CDH13: variants seen among roughly 807,000 people sequenced by gnomAD.
CDH13 encodes the protein cadherin-13.
In CDH13, 24 loss-of-function variants were observed where a neutral mutation model predicts 63.8. The ratio of observed to expected loss-of-function variants is 0.38; its 90% confidence interval spans 0.27 to 0.53. CDH13 has a LOEUF of 0.53. Among genes scored for constraint, CDH13 ranks in the 20% least tolerant of loss-of-function variants. The pLI, the probability that CDH13 is intolerant of heterozygous loss-of-function variation, is 0.85. For synonymous variants in CDH13, 503 were observed against 355.3 expected, an observed-to-expected ratio of 1.42 and a Z score of -4.67; for missense variants, 1,049 against 903.1, an observed-to-expected ratio of 1.16 and a Z score of -2.07.
rs541527576 is a variant in CDH13, at chr16:83,368,062, T to A, written c.781+23056T>A. On this transcript the variant is annotated intron_variant, in intron 6 of 13. Coordinates refer to ENST00000567109, the MANE Select transcript of CDH13 (RefSeq NM_001257.5). ...TAAATTGAATTATTTTCTTAATTTC[T>A]TATGTGGATTATTCATTGTTATTAT... Among the ~76,000 whole-genome samples, 1,398 of 152,362 alleles carry A rather than the reference T, an allele frequency of 9.2e-3. 17 individuals carry two copies. The highest frequency in any genetic ancestry group is 0.031 in the African/African-American group (1,291 of 41,588).
At chr16:82,880,667 G>C (rs1055063544) in intron 2 of CDH13, among the ~76,000 whole-genome samples, 2 of 152,142 alleles carry the variant, frequency 1.3e-5, no homozygotes, top group Non-Finnish European at 2.9e-5. Context: ...TATGCTTACT[G>C]TAGTGAAAAA....
Position 83,610,852 on chromosome 16 carries a change from C to T in CDH13, c.1101+8258C>T, listed in dbSNP as rs1567803714. ...TGGGGTATATCTACAGGTGAAATTG[C>T]TAATTCAACTTCGGTTGATTCCACC... On this transcript the variant is annotated intron_variant, in intron 8 of 13. Transcript: ENST00000567109. Among the ~76,000 whole-genome samples the T allele has an allele frequency of 3.9e-5, 6 of 152,312 alleles. No individual in the cohort carries two copies. In the East Asian group the frequency reaches 1.2e-3, roughly 29 times the overall value.
intron 6 of CDH13, among the ~76,000 whole-genome samples, chr16:83,398,412 T>G (rs2091918742): frequency 6.6e-6 from 1 of 152,186 alleles, no homozygotes. Flanking sequence ...CTCTTCTCTT[T>G]CTCAAATGTC....
At chr16:83,405,597 G>T (rs1182143432) in intron 6 of CDH13, among the ~76,000 whole-genome samples, 1 of 152,214 alleles carries the variant, frequency 6.6e-6, no homozygotes, top group African/African-American at 2.4e-5. Context: ...CTCCAGAACT[G>T]TCAGAGAATA....
At chr16:82,736,713 G>T (rs1298077720) in intron 1 of CDH13, among the ~76,000 whole-genome samples, 2 of 152,036 alleles carry the variant, frequency 1.3e-5, no homozygotes, top group Non-Finnish European at 1.5e-5. Context: ...GAAAAATCAG[G>T]CTACACAGTC....
intron 2 of CDH13, among the ~76,000 whole-genome samples, chr16:82,944,235 A>G (rs943604748): frequency 1.3e-5 from 2 of 152,158 alleles, no homozygotes; most frequent in African/African-American, 2.4e-5. Context: ...AGTTCCATTC[A>G]TGGGATTTGG....
At chr16:83,647,610 A>T (rs1911957608) in intron 8 of CDH13, among the ~76,000 whole-genome samples, 1 of 152,196 alleles carries the variant, frequency 6.6e-6, no homozygotes, top group South Asian at 2.1e-4. Flanking sequence ...CTCTGTTTCC[A>T]TTCAGAAATA....
intron 1 of CDH13, among the ~76,000 whole-genome samples, chr16:82,783,423 G>C (rs2035858306): frequency 6.6e-6 from 1 of 152,230 alleles, no homozygotes; most frequent in African/African-American, 2.4e-5. Flanking sequence ...AGCTTGCAGA[G>C]CTGCGTGAGC....
intron 2 of CDH13, among the ~76,000 whole-genome samples, chr16:83,022,246 C>T (rs1915410985): frequency 6.6e-6 from 1 of 152,196 alleles, no homozygotes. Flanking sequence ...AAAGGCTTTG[C>T]AGATTAACCA....
Position 83,099,332 on chromosome 16 carries a change from A to G in CDH13, c.367-26053A>G, listed in dbSNP as rs141708685. Among the ~76,000 whole-genome samples, 1,352 of 151,776 alleles carry G rather than the reference A, an allele frequency of 8.9e-3. 7 individuals are homozygous for G. Among genetic ancestry groups the G allele is most frequent in the Non-Finnish European group, 0.014 (947 of 67,894 alleles). On this transcript the variant is annotated intron_variant, in intron 3 of 13. Coordinates refer to ENST00000567109, the MANE Select transcript of CDH13 (RefSeq NM_001257.5). ...TAGTATGATAATCTTCATTTTACAC[A>G]TTTTTTTTAAGATGGAGTTTCACTC...
At chr16:83,309,330 G>T (rs2089949328) in intron 5 of CDH13, among the ~76,000 whole-genome samples, 1 of 152,046 alleles carries the variant, frequency 6.6e-6, no homozygotes, top group Admixed American at 6.5e-5. Context: ...GTCTTCAGCA[G>T]ATGTCCTTTG....
intron 6 of CDH13, among the ~76,000 whole-genome samples, chr16:83,445,784 G>T (rs948819808): frequency 1.3e-5 from 2 of 152,146 alleles, no homozygotes; most frequent in Admixed American, 6.5e-5. Flanking sequence ...TAAGGTAGGG[G>T]GAGAAGTGTT....
intron 2 of CDH13, among the ~76,000 whole-genome samples, chr16:82,999,349 T>A (rs538379434): frequency 6.6e-5 from 10 of 152,344 alleles, no homozygotes; most frequent in African/African-American, 2.4e-4. Context: ...CGAAATGTTG[T>A]ATGACAAACT....
At chr16:83,135,633 A>G (rs1052176642) in intron 4 of CDH13, among the ~76,000 whole-genome samples, 2 of 152,230 alleles carry the variant, frequency 1.3e-5, no homozygotes, top group African/African-American at 2.4e-5. Flanking sequence ...TGAAAGAACT[A>G]AAACTAGAAC....
At chr16:83,459,101 T>G (rs532329107) in intron 6 of CDH13, among the ~76,000 whole-genome samples, 1 of 152,360 alleles carries the variant, frequency 6.6e-6, no homozygotes, top group South Asian at 2.1e-4. Flanking sequence ...ACTTTTTGTT[T>G]GTTTGGTTTT....
chr16:83,353,247 C>G (rs570453283), intron 6 of CDH13, among the ~76,000 whole-genome samples: 2 of 152,250 alleles, frequency 1.3e-5, no homozygotes, highest in African/African-American at 2.4e-5. Context: ...TGAATCTTTG[C>G]CAAGTTGCTC....
At chr16:83,747,816 C>G (rs978092767) in intron 10 of CDH13, among the ~76,000 whole-genome samples, 4 of 150,386 alleles carry the variant, frequency 2.7e-5, no homozygotes, top group African/African-American at 9.8e-5. Context: ...AGGATTTGGG[C>G]TGTGAATTCT....
At chr16:83,643,915 T>A (rs1296920012) in intron 8 of CDH13, among the ~76,000 whole-genome samples, 1 of 152,228 alleles carries the variant, frequency 6.6e-6, no homozygotes, top group Non-Finnish European at 1.5e-5. Context: ...GCTCTTCCTC[T>A]AAGTGGGATC....
intron 1 of CDH13, among the ~76,000 whole-genome samples, chr16:82,643,667 A>G (rs1909702535): frequency 6.6e-6 from 1 of 152,228 alleles, no homozygotes; most frequent in Non-Finnish European, 1.5e-5. Context: ...ACTGGTTATT[A>G]TTCTCATAGT....
Sources: allele counts gnomAD v4.1 joint callset (sites outside exome capture counted in the v4.1 genomes callset), GRCh38; gene constraint gnomAD v4.1.1; transcripts MANE v1.5; gene names NCBI Gene and HGNC (gene_info 2026-07-23, HGNC 2026-07-21).